TXLNB: variants seen among roughly 807,000 people sequenced by gnomAD.
TXLNB encodes the protein taxilin beta.
A neutral mutation model predicts 57.4 loss-of-function variants in TXLNB; 37 were observed. The ratio of observed to expected loss-of-function variants is 0.64; its 90% CI spans 0.50 to 0.85. TXLNB has a LOEUF of 0.85. Among genes scored for constraint, TXLNB ranks in the 40% least tolerant of loss-of-function variants. The probability of loss-of-function intolerance (pLI) is 0.00; values close to 1 mark genes in which losing one functional copy is unlikely to be tolerated. For synonymous variants in TXLNB, 302 were observed against 309.6 expected, an observed-to-expected ratio of 0.98 and a Z score of 0.26; for missense variants, 848 against 825.6, an observed-to-expected ratio of 1.03 and a Z score of -0.33.
At chr6:139,169,044 T>C in the TXLNB span, among the ~76,000 whole-genome samples, 3 of 152,220 alleles carry the variant, frequency 2.0e-5, no homozygotes, top group Admixed American at 6.5e-5. Flanking sequence ...ATGTGGGTCT[T>C]TTACACAGTT....
intron 7 of TXLNB, 39 bp from the exon 8 acceptor site, chr6:139,247,948 C>A: frequency 8.1e-7 from 1 of 1,232,752 alleles, no homozygotes; most frequent in Non-Finnish European, 1.2e-6. Context: ...CAGAATACTT[C>A]CAGAAGAAAA....
chr6:139,245,837 C>T (rs964013322), intron 8 of TXLNB, among the ~76,000 whole-genome samples: 2 of 151,846 alleles, frequency 1.3e-5, no homozygotes, highest in East Asian at 1.9e-4. Flanking sequence ...GGATTACAGG[C>T]GCCTGCCACC....
intron 3 of TXLNB, among the ~76,000 whole-genome samples, chr6:139,276,205 T>C (rs1776891378): frequency 6.6e-6 from 1 of 152,196 alleles, no homozygotes; most frequent in Non-Finnish European, 1.5e-5. Flanking sequence ...AAATGCCAAG[T>C]CCAATATTAA....
At chr6:139,177,879 A>G in the TXLNB span, 1 of 152,188 alleles carries the variant, frequency 6.6e-6, no homozygotes, top group Non-Finnish European at 1.5e-5. This position sits in a 1 kb window ranked among gnomAD's most constrained non-coding sequence, Gnocchi z 4.9. Context: ...GAATAACCTG[A>G]TTTGGGCAGT....
chr6:139,243,364 TAAGCAA>T, intron 9 of TXLNB, 50 bp from the exon 10 acceptor site: 2 of 1,528,064 alleles, frequency 1.3e-6, no homozygotes, highest in Non-Finnish European at 1.8e-6. Flanking sequence ...AATGACATGA[TAAGCAA>T]AATGTCCAGG....
chr6:139,318,064 T>A, the TXLNB span, among the ~76,000 whole-genome samples: 1 of 151,752 alleles, frequency 6.6e-6, no homozygotes, highest in Admixed American at 6.5e-5. Context: ...GGTCAGGAGA[T>A]CGAGACCATC....
the TXLNB span, chr6:139,180,378 C>T: frequency 6.6e-6 from 1 of 152,628 alleles, no homozygotes; most frequent in African/African-American, 2.4e-5. Flanking sequence ...AGTCTGTTCT[C>T]CTGTGTCTAG....
chr6:139,310,461 A>C, the TXLNB span, among the ~76,000 whole-genome samples: 1 of 152,200 alleles, frequency 6.6e-6, no homozygotes, highest in Non-Finnish European at 1.5e-5. Flanking sequence ...TCTATCCTAC[A>C]TACAAATGTC....
chr6:139,273,115 G>A (rs1021524144), intron 3 of TXLNB, among the ~76,000 whole-genome samples: 1 of 152,234 alleles, frequency 6.6e-6, no homozygotes, highest in African/African-American at 2.4e-5. Flanking sequence ...TTTACCTTCT[G>A]AAGATTAAAC....
At chr6:139,164,067 A>AACAC in the TXLNB span, among the ~76,000 whole-genome samples, 1 of 118,136 alleles carries the variant, frequency 8.5e-6, no homozygotes, top group East Asian at 2.0e-4. Context: ...CACACACACA[A>AACAC]ACACACACAC....
the TXLNB span, among the ~76,000 whole-genome samples, chr6:139,193,241 C>CTTTTTTTTTTTTTTTTTTT: frequency 3.0e-5 from 3 of 101,212 alleles, no homozygotes; most frequent in Non-Finnish European, 3.9e-5. Flanking sequence ...CTTTGACCCT[C>CTTTTTTTTTTTTTTTTTTT]TTTTTTTTTT....
the TXLNB span, among the ~76,000 whole-genome samples, chr6:139,321,633 C>CTTTTTTTTT: frequency 3.6e-5 from 3 of 84,362 alleles, no homozygotes; most frequent in Non-Finnish European, 6.4e-5. Flanking sequence ...ACTACTCTCT[C>CTTTTTTTTT]TTTTTTTTTT....
chr6:139,256,369 G>A (rs751443798), intron 6 of TXLNB, among the ~76,000 whole-genome samples: 10 of 151,630 alleles, frequency 6.6e-5, no homozygotes, highest in South Asian at 2.1e-4. Context: ...CTCTTTTGTC[G>A]CCCAGGCTGG....
At chr6:139,166,457 G>A in the TXLNB span, 3 of 1,614,068 alleles carry the variant, frequency 1.9e-6, no homozygotes, top group Non-Finnish European at 2.5e-6. Context: ...CAACTGCATC[G>A]GCCGCGCGCG....
At chr6:139,219,217 A>G in the TXLNB span, among the ~76,000 whole-genome samples, 1 of 152,246 alleles carries the variant, frequency 6.6e-6, no homozygotes, top group East Asian at 1.9e-4. Flanking sequence ...TTTCAGCCTA[A>G]CAGTGGTAAA....
At chr6:139,243,822 T>C (rs1209718338) in intron 9 of TXLNB, among the ~76,000 whole-genome samples, 3 of 152,238 alleles carry the variant, frequency 2.0e-5, no homozygotes, top group Non-Finnish European at 2.9e-5. Context: ...AGAAGAATTG[T>C]TAGAGCAGTA....
the TXLNB span, among the ~76,000 whole-genome samples, chr6:139,203,897 C>A: frequency 0.045 from 6,790 of 152,174 alleles, 186 homozygotes; most frequent in Admixed American, 0.073. Flanking sequence ...AAAAAAAATT[C>A]ATCGGTGTTC....
At chr6:139,292,224 A>G (rs1479377013), upstream of TXLNB, 1 of 152,268 alleles carries the variant, frequency 6.6e-6, no homozygotes, top group Non-Finnish European at 1.5e-5. The surrounding 1 kb of genome is among the most constrained non-coding windows in gnomAD (Gnocchi z 4.0). Context: ...TGCCAGGGGA[A>G]ATACCTTAGC....
the TXLNB span, among the ~76,000 whole-genome samples, chr6:139,184,822 T>C: frequency 5.3e-5 from 8 of 152,334 alleles, no homozygotes; most frequent in African/African-American, 1.9e-4. Flanking sequence ...GAGGGTTGCT[T>C]GACTTGATCA....
Sources: gnomAD v4.1 joint callset for allele counts (sites outside exome capture counted in the v4.1 genomes callset) on GRCh38, gnomAD v4.1.1 for gene constraint, Gnocchi (gnomAD v3.1) non-coding constraint, MANE v1.5 for transcripts, NCBI Gene and HGNC (gene_info 2026-07-23, HGNC 2026-07-21) for gene names.